The following NSF variants were observed in gnomAD, a reference collection of about 807,000 sequenced individuals.
NSF encodes vesicle-fusing ATPase.
In NSF, 14 loss-of-function variants were observed where a neutral mutation model predicts 50.3. The observed-to-expected ratio is 0.28, with a 90% CI of 0.18 to 0.44. The LOEUF (loss-of-function observed/expected upper bound fraction) is 0.44. Among genes scored for constraint, NSF ranks in the 20% least tolerant of loss-of-function variants. The pLI is 1.00. For synonymous variants in NSF, 109 were observed against 175.7 expected (o/e 0.62, Z 3.00); for missense variants, 218 against 504.3 (o/e 0.43, Z 5.44).
intron 15 of NSF, among the ~76,000 whole-genome samples, chr17:46,717,276 T>C (rs942108722): frequency 2.0e-4 from 30 of 152,146 alleles, no homozygotes; most frequent in African/African-American, 7.2e-4. Context: ...TCCTCATTCA[T>C]ATATGGGAAC....
chr17:46,728,968 C>A, intron 17 of NSF, 34 bp downstream of exon 17: 2 of 1,309,198 alleles, frequency 1.5e-6, no homozygotes, highest in Non-Finnish European at 2.2e-6. Context: ...AATATTTTAA[C>A]AAAGAGTTTT....
At chr17:46,748,080 G>GA (rs2059148562) in intron 17 of NSF, among the ~76,000 whole-genome samples, 2 of 152,206 alleles carry the variant, frequency 1.3e-5, no homozygotes, top group South Asian at 2.1e-4. Flanking sequence ...AAAATTGTGA[G>GA]AAAAAAATTA....
At chr17:46,722,036 T>C (rs2058836105) in intron 15 of NSF, 1 of 1,607,138 alleles carries the variant, frequency 6.2e-7, no homozygotes, top group African/African-American at 1.3e-5. Context: ...TGCCGTAATA[T>C]TCAGCTCCCT....
intron 17 of NSF, among the ~76,000 whole-genome samples, chr17:46,733,062 G>A (rs1176689613): frequency 6.6e-6 from 1 of 152,198 alleles, no homozygotes; most frequent in Non-Finnish European, 1.5e-5. Context: ...CGTACAATTT[G>A]TCCAGTGTTA....
intron 15 of NSF, among the ~76,000 whole-genome samples, chr17:46,726,336 G>A (rs2058889221): frequency 6.6e-6 from 1 of 152,184 alleles, no homozygotes; most frequent in East Asian, 1.9e-4. Context: ...AGCCTGCCCA[G>A]GTGTGACACA....
In NSF at chr17:46,757,453, T is replaced by C. The variant is rs974853358; in HGVS notation, c.*1630T>C. ...ATGAAGGAATGCAATAAAGAGTAAA[T>C]ATACTTGAAAATGTTCTGTAGACCA... On this transcript the variant is annotated 3_prime_UTR_variant, in exon 21 of 21. Coordinates refer to ENST00000398238, the MANE Select transcript of NSF (RefSeq NM_006178.4). 6.6e-6 allele frequency: 1 copy of C among 152,564 alleles called. No homozygotes were observed. Among genetic ancestry groups the C allele is most frequent in the Non-Finnish European group, 1.5e-5 (1 of 68,032 alleles). 9.5% of individuals were successfully genotyped at this position (152,564 alleles called of 1,614,324 possible). A position where few individuals can be genotyped will look rare whatever the true frequency, so the allele number is the denominator to read the frequency against.
intron 17 of NSF, among the ~76,000 whole-genome samples, chr17:46,743,718 G>A (rs985035991): frequency 5.9e-5 from 9 of 152,170 alleles, no homozygotes; most frequent in African/African-American, 2.2e-4. Context: ...TGTCCTTGGG[G>A]CAGCAGCTCC....
At chr17:46,755,767 A>G in intron 20 of NSF, 35 bp from the exon 21 acceptor site, 1 of 1,560,378 alleles carries the variant, frequency 6.4e-7, no homozygotes, top group Non-Finnish European at 8.6e-7. Context: ...ACGGACCCTC[A>G]TCTGTTTTTT....
chr17:46,730,057 TTTC>T (rs1189608042), intron 17 of NSF, among the ~76,000 whole-genome samples: 1 of 152,138 alleles, frequency 6.6e-6, no homozygotes. Context: ...CCTGCAATAT[TTTC>T]TTAAGTAAGT....
intron 1 of NSF, among the ~76,000 whole-genome samples, chr17:46,613,200 C>A (rs2058028776): frequency 3.0e-5 from 1 of 33,804 alleles, no homozygotes; most frequent in Non-Finnish European, 8.8e-5. Flanking sequence ...ATCACTTGAG[C>A]CTGTGAATTT....
chr17:46,714,883 A>C (rs2146268397), intron 15 of NSF, among the ~76,000 whole-genome samples: 1 of 152,350 alleles, frequency 6.6e-6, no homozygotes. Flanking sequence ...TTGAGAATTG[A>C]AGTGCTCCCT....
intron 15 of NSF, among the ~76,000 whole-genome samples, chr17:46,714,950 G>A (rs2058753739): frequency 6.6e-6 from 1 of 152,166 alleles, no homozygotes; most frequent in Non-Finnish European, 1.5e-5. Flanking sequence ...GCTTTATAAA[G>A]ATGTATTGTA....
rs1037037443 is a variant in NSF at position 46,621,360 on chromosome 17, C to T, written c.13-2884C>T. The stretch of plus-strand genomic sequence containing the variant: ...GGAGTACAGTGACACGATCTCAGCT[C>T]ACTGCAAGCTCCGCCTCCCGGGCTC... On this transcript the variant is annotated intron_variant, in intron 1 of 20. Transcript: ENST00000398238. Among the ~76,000 whole-genome samples, 72 of 136,764 alleles carry T rather than the reference C, an allele frequency of 5.3e-4. 3 individuals are homozygous for T. Among genetic ancestry groups the T allele is most frequent in the African/African-American group, 2.0e-3 (72 of 35,798 alleles). 89.7% of individuals were successfully genotyped at this position (136,764 alleles called of 152,430 possible).
chr17:46,752,754 C>A (rs1231856594), intron 19 of NSF, among the ~76,000 whole-genome samples: 1 of 151,956 alleles, frequency 6.6e-6, no homozygotes, highest in African/African-American at 2.4e-5. Context: ...CTATGCCTGG[C>A]CCTCGGTAAC....
chr17:46,661,726 C>CATG (rs913852173), intron 8 of NSF, among the ~76,000 whole-genome samples: 4 of 18,952 alleles, frequency 2.1e-4, no homozygotes, highest in Non-Finnish European at 3.7e-4. Flanking sequence ...ACTACAGGCG[C>CATG]CCGCCACTAT....
chr17:46,741,121 G>A (rs1448861631), intron 17 of NSF, among the ~76,000 whole-genome samples: 1 of 152,064 alleles, frequency 6.6e-6, no homozygotes, highest in Non-Finnish European at 1.5e-5. Flanking sequence ...TAGCAATGAG[G>A]CCTGAACTGT....
intron 13 of NSF, among the ~76,000 whole-genome samples, chr17:46,707,039 C>T (rs368054770): frequency 2.0e-5 from 3 of 150,680 alleles, no homozygotes; most frequent in Non-Finnish European, 3.0e-5. Flanking sequence ...TTAGTAGAGA[C>T]GGGGTTTCAC....
chr17:46,626,135 G>T (rs1281662630), intron 2 of NSF, among the ~76,000 whole-genome samples: 1 of 131,968 alleles, frequency 7.6e-6, no homozygotes, highest in Admixed American at 7.9e-5. Flanking sequence ...TTTGTAGGTT[G>T]TTTTTGTTTT....
chr17:46,745,118 G>T (rs2059114872), intron 17 of NSF, among the ~76,000 whole-genome samples: 1 of 152,140 alleles, frequency 6.6e-6, no homozygotes, highest in South Asian at 2.1e-4. Flanking sequence ...CATTAGGAAG[G>T]TGGAGGTCCC....
Sources: gnomAD v4.1 joint callset for allele counts (sites outside exome capture counted in the v4.1 genomes callset) on GRCh38, gnomAD v4.1.1 for gene constraint, MANE v1.5 for transcripts, NCBI Gene and HGNC (gene_info 2026-07-23, HGNC 2026-07-21) for gene names.